The following ADAMTS19 variants were observed in gnomAD, a reference collection of about 807,000 sequenced individuals.
ADAMTS19 encodes the protein A disintegrin and metalloproteinase with thrombospondin motifs 19.
A neutral mutation model predicts 153.3 loss-of-function variants in ADAMTS19; 93 were observed. The observed-to-expected ratio is 0.61, with a 90% confidence interval of 0.51 to 0.72. ADAMTS19 has a LOEUF of 0.72. ADAMTS19 is among the 30% of genes least tolerant of loss of function. The pLI, the probability that ADAMTS19 is intolerant of heterozygous loss-of-function variation, is 0.00. For synonymous variants in ADAMTS19, 600 were observed against 556.6 expected, an observed-to-expected ratio of 1.08 and a Z score of -1.10; for missense variants, 1,482 against 1,552.1, an observed-to-expected ratio of 0.95 and a Z score of 0.76.
At chr5:129,558,966 C>A (rs1283414641) in intron 7 of ADAMTS19, among the ~76,000 whole-genome samples, 7 of 151,848 alleles carry the variant, frequency 4.6e-5, no homozygotes, top group Non-Finnish European at 1.0e-4. Flanking sequence ...AAATGTTAAT[C>A]ATAAAGAAGC....
intron 10 of ADAMTS19, among the ~76,000 whole-genome samples, chr5:129,629,786 G>A (rs917926295): frequency 6.6e-6 from 1 of 152,150 alleles, no homozygotes; most frequent in East Asian, 1.9e-4. Context: ...AGGCCATCTG[G>A]CATCTTGTGG....
intron 8 of ADAMTS19, among the ~76,000 whole-genome samples, chr5:129,602,101 A>T (rs1273232066): frequency 3.3e-5 from 5 of 152,066 alleles, no homozygotes; most frequent in African/African-American, 1.2e-4. Flanking sequence ...ATTTTATTTT[A>T]TTTTTTTTGA....
chr5:129,665,783 G>T (rs766434501), intron 16 of ADAMTS19, among the ~76,000 whole-genome samples: 1 of 151,678 alleles, frequency 6.6e-6, no homozygotes, highest in Non-Finnish European at 1.5e-5. Flanking sequence ...TTGTCTGTAT[G>T]TTTTTGAGGG....
chr5:129,579,371 T>G (rs1241590316), intron 7 of ADAMTS19, among the ~76,000 whole-genome samples: 1 of 152,226 alleles, frequency 6.6e-6, no homozygotes, highest in African/African-American at 2.4e-5. Flanking sequence ...GCAAAAATGT[T>G]GTCCCATTCT....
chr5:129,735,105 A>G lies in ADAMTS19; in HGVS notation c.3486A>G (p.Arg1162=). The change falls in exon 22 of 23, where the codon AGA becomes AGG. Residue 1162 remains arginine (R), a synonymous_variant. Transcript: ENST00000274487. ...ATGTAAATACCATAACATCACCCAGACTGGGTAAGCAGACAAAAAAAAAAG... is the reference window on the plus strand; with the variant it reads ...ATGTAAATACCATAACATCACCCAGGCTGGGTAAGCAGACAAAAAAAAAAG... The part of the protein sequence containing the change: ...KINVNTITSP[R]LAALTFKCLG... 1 of 1,579,978 alleles carries G rather than the reference A, an allele frequency of 6.3e-7. No individual in the cohort carries two copies. Among genetic ancestry groups the G allele is most frequent in the Non-Finnish European group, 8.6e-7 (1 of 1,166,550 alleles).
chr5:129,615,286 G>T (rs760861023), intron 8 of ADAMTS19, among the ~76,000 whole-genome samples: 5 of 152,008 alleles, frequency 3.3e-5, no homozygotes, highest in Non-Finnish European at 7.4e-5. Flanking sequence ...TATACAAAAG[G>T]TTAGGCTGGA....
intron 2 of ADAMTS19, among the ~76,000 whole-genome samples, chr5:129,462,704 T>C (rs1002961375): frequency 6.6e-6 from 1 of 152,206 alleles, no homozygotes; most frequent in African/African-American, 2.4e-5. Flanking sequence ...ATTCACGTTG[T>C]TGTGCAACAC....
rs186670208 is a variant in ADAMTS19, at chr5:129,660,188, C to T, written c.2425+1451C>T. Among the ~76,000 whole-genome samples, 9 of 151,992 alleles carry T rather than the reference C, an allele frequency of 5.9e-5. No individual in the cohort carries two copies. The East Asian group carries it at 1.7e-3, about 29-fold the overall frequency. ...CTTAAAGCCGAGAAATGAGTAAGGC[C>T]TATGGTAAATTGCAGATCAAACTCT... On this transcript the variant is annotated intron_variant, in intron 15 of 22. Transcript: ENST00000274487.
At chr5:129,630,132 A>G (rs983445930) in intron 10 of ADAMTS19, among the ~76,000 whole-genome samples, 6 of 152,220 alleles carry the variant, frequency 3.9e-5, no homozygotes, top group Admixed American at 1.3e-4. Context: ...GATTCATCCA[A>G]GTTTGTAGGA....
chr5:129,507,160 G>A (rs886447032), intron 2 of ADAMTS19, among the ~76,000 whole-genome samples: 1 of 152,008 alleles, frequency 6.6e-6, no homozygotes, highest in Admixed American at 6.6e-5. Flanking sequence ...AACTGAGCAT[G>A]TTTGCCTGAG....
chr5:129,592,713 A>T (rs1750199093), intron 7 of ADAMTS19, among the ~76,000 whole-genome samples: 1 of 152,134 alleles, frequency 6.6e-6, no homozygotes, highest in Non-Finnish European at 1.5e-5. Flanking sequence ...TGGTCACTTT[A>T]AGGGTTCTTT....
intron 2 of ADAMTS19, among the ~76,000 whole-genome samples, chr5:129,495,298 T>C (rs533648019): frequency 5.3e-5 from 8 of 152,184 alleles, no homozygotes; most frequent in South Asian, 4.1e-4. Flanking sequence ...CAGAGACATT[T>C]TTCATTCAAC....
chr5:129,516,335 C>T (rs1231734534), intron 3 of ADAMTS19, among the ~76,000 whole-genome samples: 1 of 149,578 alleles, frequency 6.7e-6, no homozygotes, highest in East Asian at 2.0e-4. Context: ...GAAGTATTCC[C>T]TCCTCTTATA....
At chr5:129,629,208 A>C (rs1260292696) in intron 10 of ADAMTS19, among the ~76,000 whole-genome samples, 1 of 152,148 alleles carries the variant, frequency 6.6e-6, no homozygotes, top group Admixed American at 6.6e-5. Context: ...TGGAGTACTG[A>C]TTCTAAATTT....
chr5:129,524,758 G>T (rs1751946111), intron 3 of ADAMTS19, among the ~76,000 whole-genome samples: 1 of 150,742 alleles, frequency 6.6e-6, no homozygotes, highest in African/African-American at 2.4e-5. Flanking sequence ...GAACTTGAAG[G>T]GAAAAAAAAA....
intron 7 of ADAMTS19, among the ~76,000 whole-genome samples, chr5:129,574,328 T>C (rs1304099739): frequency 6.6e-6 from 1 of 151,988 alleles, no homozygotes; most frequent in Non-Finnish European, 1.5e-5. Flanking sequence ...AAATAACAAA[T>C]ACACGTGCAG....
chr5:129,641,847 C>T lies in ADAMTS19; in HGVS notation c.1771-12C>T. ...ACCTTCCCCTTATTAGTTATTGTGC[C>T]TTTGTTTTCAGCATGTTATTTGCAC... On this transcript the variant is annotated splice_polypyrimidine_tract_variant and intron_variant, in intron 10 of 22. Transcript: ENST00000274487. 6.4e-7 allele frequency: 1 copy of T among 1,551,066 alleles called. No homozygotes were observed. The highest frequency in any genetic ancestry group is 1.2e-5 in the South Asian group (1 of 81,984).
intron 2 of ADAMTS19, among the ~76,000 whole-genome samples, chr5:129,478,000 T>A (rs1307560449): frequency 1.3e-5 from 2 of 152,136 alleles, no homozygotes; most frequent in East Asian, 3.9e-4. Flanking sequence ...GTTAAAAAAA[T>A]TCAATATAAG....
At chr5:129,497,065 T>A (rs567583800) in intron 2 of ADAMTS19, among the ~76,000 whole-genome samples, 1 of 152,224 alleles carries the variant, frequency 6.6e-6, no homozygotes, top group African/African-American at 2.4e-5. Context: ...ATGTGTTTGA[T>A]CATCTTGCAT....
Sources: gnomAD v4.1 joint callset for allele counts (sites outside exome capture counted in the v4.1 genomes callset) on GRCh38, gnomAD v4.1.1 for gene constraint, MANE v1.5 for transcripts, NCBI Gene and HGNC (gene_info 2026-07-23, HGNC 2026-07-21) for gene names.